TCF7L2: variants seen among roughly 807,000 people sequenced by gnomAD.
TCF7L2 encodes the protein transcription factor 7 like 2.
TCF7L2 carries 23 observed loss-of-function variants against 77.9 expected under a neutral mutation model. The ratio of observed to expected loss-of-function variants is 0.30; its 90% CI spans 0.21 to 0.42. The LOEUF (loss-of-function observed/expected upper bound fraction) is 0.42, where lower values mean the gene tolerates loss of function less well. TCF7L2 is among the 10% of genes least tolerant of loss of function. TCF7L2 has a pLI of 1.00. For synonymous variants in TCF7L2, 413 were observed against 340.2 expected (o/e 1.21, Z -2.36); for missense variants, 654 against 793.1 (o/e 0.82, Z 2.11).
At chr10:112,972,359 A>T (rs558422548) in intron 4 of TCF7L2, among the ~76,000 whole-genome samples, 1 of 152,248 alleles carries the variant, frequency 6.6e-6, no homozygotes, top group Non-Finnish European at 1.5e-5. Flanking sequence ...AGTAGCTTGG[A>T]CAATAAGGTG....
chr10:113,140,955 A>G (rs2068261440), intron 5 of TCF7L2, among the ~76,000 whole-genome samples: 2 of 152,184 alleles, frequency 1.3e-5, no homozygotes, highest in Admixed American at 1.3e-4. Flanking sequence ...TTTAAAAGCC[A>G]GGCTTAGTGG....
chr10:113,114,442 T>A (rs987630629), intron 5 of TCF7L2, among the ~76,000 whole-genome samples: 13 of 152,290 alleles, frequency 8.5e-5, no homozygotes, highest in African/African-American at 3.1e-4. Flanking sequence ...TCCCTTGATA[T>A]CTTGGAGGCG....
intron 4 of TCF7L2, among the ~76,000 whole-genome samples, chr10:112,974,975 T>C (rs2039102219): frequency 1.2e-5 from 1 of 82,108 alleles, no homozygotes; most frequent in Non-Finnish European, 2.4e-5. Flanking sequence ...CTTCTTTTTT[T>C]TTCTTTTTCT....
At position 113,050,188 on chromosome 10, in the gene TCF7L2, A is replaced by G. The variant is rs78401913; in HGVS notation, c.552+10062A>G. ...ATGAGATGGAGTCACTGTGTGTCCA[A>G]ACAGTGGGATAAAGGCTTTACTCTT... is the stretch of plus-strand genomic sequence containing the variant. On this transcript the variant is annotated intron_variant, in intron 5 of 13. Coordinates refer to ENST00000627217, the MANE Select transcript of TCF7L2 (RefSeq NM_001146274.2). 2.8e-3 allele frequency among the ~76,000 whole-genome samples: 425 copies of G among 152,334 alleles called. 7 individuals are homozygous for G. Among genetic ancestry groups the G allele is most frequent in the Admixed American group, 8.9e-3 (136 of 15,296 alleles).
Position 113,059,254 on chromosome 10 carries a change from G to A in TCF7L2, c.552+19128G>A, listed in dbSNP as rs140195933. 7.2e-4 allele frequency among the ~76,000 whole-genome samples: 109 copies of A among 152,152 alleles called. 1 individual carries two copies. The Middle Eastern group carries it at 0.021, about 29-fold the overall frequency. On this transcript the variant is annotated intron_variant, in intron 5 of 13. Coordinates refer to ENST00000627217, the MANE Select transcript of TCF7L2 (RefSeq NM_001146274.2). The stretch of plus-strand genomic sequence containing the variant: ...GGACTGTTAGGTCACCGTAGGTACC[G>A]GCTTGCATATCATTTCAGAGGAATA...
rs372584799 is a variant in TCF7L2, at chr10:113,165,681, C to A, written c.1518C>A (p.Asp506Glu). 1 of 1,610,570 alleles carries A rather than the reference C, an allele frequency of 6.2e-7. No homozygotes were observed. Among genetic ancestry groups the A allele is most frequent in the Non-Finnish European group, 8.5e-7 (1 of 1,178,540 alleles). ...ACCTGCTAGGCTCCCCTCCCCGAGA[C>A]GCCAAGTCACAGACTGAGCAGACCC... The change falls in exon 14 of 14, where the codon GAC becomes GAA. Residue 506 changes from aspartate to glutamate, a missense_variant. Asp to Glu is a conservative substitution (Grantham distance 45). Coordinates refer to ENST00000627217, the MANE Select transcript of TCF7L2 (RefSeq NM_001146274.2).
chr10:113,004,671 C>A (rs1257698088), intron 4 of TCF7L2, among the ~76,000 whole-genome samples: 2 of 151,918 alleles, frequency 1.3e-5, no homozygotes, highest in Non-Finnish European at 2.9e-5. Flanking sequence ...GGTTCCATTT[C>A]TTTTTTATTT....
At chr10:113,117,832 C>T (rs1366760954) in intron 5 of TCF7L2, among the ~76,000 whole-genome samples, 1 of 152,004 alleles carries the variant, frequency 6.6e-6, no homozygotes, top group Non-Finnish European at 1.5e-5. Flanking sequence ...ATCTGTTTAC[C>T]GGGGTGTAGC....
At chr10:113,005,626 C>T (rs1341584504) in intron 4 of TCF7L2, among the ~76,000 whole-genome samples, 2 of 152,126 alleles carry the variant, frequency 1.3e-5, no homozygotes, top group African/African-American at 2.4e-5. Context: ...CCTGTTTGCG[C>T]AAGGGTTTGA....
chr10:113,073,695 A>C (rs1305986232), intron 5 of TCF7L2, among the ~76,000 whole-genome samples: 1 of 148,388 alleles, frequency 6.7e-6, no homozygotes, highest in Non-Finnish European at 1.5e-5. Context: ...GTCTTTAAGA[A>C]AAAAAAAAAA....
At chr10:113,050,397 A>C (rs1032027294) in intron 5 of TCF7L2, among the ~76,000 whole-genome samples, 1 of 152,164 alleles carries the variant, frequency 6.6e-6, no homozygotes, top group African/African-American at 2.4e-5. Flanking sequence ...GGGTGTTATC[A>C]AGACCTGTTT....
At chr10:113,128,849 G>A (rs1362943) in intron 5 of TCF7L2, among the ~76,000 whole-genome samples, 40,316 of 151,902 alleles carry the variant, frequency 0.27, 5,815 homozygotes, top group Non-Finnish European at 0.32. Context: ...AAATGTACCC[G>A]GCCCTGGATC....
chr10:113,160,220 C>T (rs2072924850), intron 12 of TCF7L2, among the ~76,000 whole-genome samples: 1 of 151,932 alleles, frequency 6.6e-6, no homozygotes, highest in South Asian at 2.1e-4. Context: ...CTCGGGTCAG[C>T]GACAGCAAAC....
intron 4 of TCF7L2, among the ~76,000 whole-genome samples, chr10:113,004,899 C>T (rs1231782494): frequency 6.6e-6 from 1 of 152,104 alleles, no homozygotes; most frequent in Non-Finnish European, 1.5e-5. Context: ...GTCACAAACT[C>T]CCGACCTCAG....
intron 5 of TCF7L2, among the ~76,000 whole-genome samples, chr10:113,084,412 G>A (rs749079384): frequency 4.6e-5 from 7 of 152,220 alleles, no homozygotes; most frequent in African/African-American, 7.2e-5. Context: ...GGAGGATGCC[G>A]GCTGGTTTGG....
chr10:112,955,561 AC>A (rs2134319992), intron 3 of TCF7L2, among the ~76,000 whole-genome samples: 2 of 152,290 alleles, frequency 1.3e-5, no homozygotes, highest in South Asian at 4.1e-4. Flanking sequence ...GTTTTTGGAA[AC>A]TTTTGACTGT....
chr10:113,028,859 C>T (rs144009140), intron 4 of TCF7L2, among the ~76,000 whole-genome samples: 126 of 152,250 alleles, frequency 8.3e-4, no homozygotes, highest in African/African-American at 2.7e-3. Context: ...TTTAAAATAA[C>T]CCTTCCAGGT....
At chr10:112,965,394 G>A (rs2036503652) in intron 4 of TCF7L2, among the ~76,000 whole-genome samples, 2 of 152,224 alleles carry the variant, frequency 1.3e-5, no homozygotes, top group Admixed American at 1.3e-4. Flanking sequence ...TGTCTGCCTG[G>A]CCTTGCTGGG....
At chr10:113,156,386 T>A (rs531870796) in intron 11 of TCF7L2, among the ~76,000 whole-genome samples, 1 of 152,356 alleles carries the variant, frequency 6.6e-6, no homozygotes, top group South Asian at 2.1e-4. Flanking sequence ...AGTGCTGGGA[T>A]TACAGGCGTG....
Sources: gnomAD v4.1 joint callset for allele counts (sites outside exome capture counted in the v4.1 genomes callset) on GRCh38, gnomAD v4.1.1 for gene constraint, MANE v1.5 for transcripts, NCBI Gene and HGNC (gene_info 2026-07-23, HGNC 2026-07-21) for gene names.